The following MEGF10 variants were observed in gnomAD, a reference collection of about 807,000 sequenced individuals.
MEGF10 encodes multiple EGF like domains 10, also known as multiple epidermal growth factor-like domains protein 10.
A neutral mutation model predicts 147.5 loss-of-function variants in MEGF10; 86 were observed. That is an observed-to-expected ratio of 0.58 (90% CI 0.49 to 0.70). The LOEUF (loss-of-function observed/expected upper bound fraction) is 0.70, where lower values mean the gene tolerates loss of function less well. Among genes scored for constraint, MEGF10 ranks in the 30% least tolerant of loss-of-function variants. The pLI is 0.00. For synonymous variants in MEGF10, 478 were observed against 525.5 expected (o/e 0.91, Z 1.24); for missense variants, 1,329 against 1,487.3 (o/e 0.89, Z 1.75).
chr5:127,402,733 A>C, intron 8 of MEGF10, 51 bp downstream of exon 8: 1 of 1,602,410 alleles, frequency 6.2e-7, no homozygotes, highest in Non-Finnish European at 8.5e-7. Flanking sequence ...TGTGAAAGGA[A>C]AGTTTGTAGG....
intron 13 of MEGF10, among the ~76,000 whole-genome samples, chr5:127,425,103 A>C (rs892895857): frequency 5.3e-5 from 8 of 152,168 alleles, no homozygotes; most frequent in African/African-American, 1.9e-4. Context: ...ATGATTTAGA[A>C]CTATCCTGTG....
At chr5:127,450,112 C>T (rs1002795728) in intron 22 of MEGF10, among the ~76,000 whole-genome samples, 8 of 152,216 alleles carry the variant, frequency 5.3e-5, no homozygotes, top group African/African-American at 1.7e-4. Flanking sequence ...TCTGCTTTTA[C>T]GTTCAGTTGG....
chr5:127,396,702 T>C lies in MEGF10; in HGVS notation c.583T>C (p.Cys195Arg), dbSNP rs368902561. The stretch of plus-strand genomic sequence containing the variant: ...CTATGGTAACGACTGTCATCAGAGA[T>C]GCCAGTGCCAGAATGGAGCCACCTG... ...GTYGNDCHQR[C>R]QCQNGATCDH... is the part of the protein sequence containing the mutation. Residue 195 changes from cysteine (C) to arginine (R), a missense_variant, in exon 6 of 25, where the codon TGC (cysteine) becomes CGC (arginine). Cys to Arg is a radical substitution (Grantham distance 180). Coordinates refer to ENST00000503335, the MANE Select transcript of MEGF10 (RefSeq NM_001256545.2). 24 of 1,614,062 alleles carry C rather than the reference T, an allele frequency of 1.5e-5. No individual in the cohort carries two copies. Among genetic ancestry groups the C allele is most frequent in the Non-Finnish European group, 2.0e-5 (24 of 1,180,028 alleles).
intron 16 of MEGF10, 51 bp downstream of exon 16, chr5:127,435,540 C>T: frequency 6.4e-7 from 1 of 1,550,786 alleles, no homozygotes; most frequent in Non-Finnish European, 8.7e-7. Context: ...TGTTTGTTTT[C>T]AGATTCTTTA....
In MEGF10 at chr5:127,340,527, T is replaced by C. The variant is rs1357482042; in HGVS notation, c.219-3T>C. Reference sequence around the variant, plus strand: ...TTAATAGCTAATTTTTCCTTCTCTATAGAGTCAGCTATCGGACAGCCTATC... The same window carrying C: ...TTAATAGCTAATTTTTCCTTCTCTACAGAGTCAGCTATCGGACAGCCTATC... On this transcript the variant is annotated splice_region_variant and splice_polypyrimidine_tract_variant and intron_variant, in intron 3 of 24. Transcript: ENST00000503335. 6.2e-7 allele frequency: 1 copy of C among 1,610,976 alleles called. No individual in the cohort carries two copies. The highest frequency in any genetic ancestry group is 1.7e-5 in the Admixed American group (1 of 59,926).
intron 8 of MEGF10, among the ~76,000 whole-genome samples, chr5:127,406,604 G>A (rs940502598): frequency 1.3e-4 from 20 of 152,200 alleles, no homozygotes; most frequent in African/African-American, 4.8e-4. Context: ...AGGGCTGCTG[G>A]CCCTAGGAGC....
Position 127,460,155 on chromosome 5 carries a change from C to T in MEGF10, c.*2837C>T, listed in dbSNP as rs551349120. Reference sequence around the variant, plus strand: ...AAAGCAGTAAAGGAGTTTAGAGATACTTAGCAAATGCCATTCATATAGTAT... The same window carrying T: ...AAAGCAGTAAAGGAGTTTAGAGATATTTAGCAAATGCCATTCATATAGTAT... On this transcript the variant is annotated 3_prime_UTR_variant, in exon 25 of 25. Transcript: ENST00000503335. The T allele has an allele frequency of 1.3e-5, 2 of 152,258 alleles. No individual in the cohort carries two copies. Among genetic ancestry groups the T allele is most frequent in the South Asian group, 4.1e-4 (2 of 4,822 alleles). 9.4% of individuals were successfully genotyped at this position (152,258 alleles called of 1,614,324 possible). A position where few individuals can be genotyped will look rare whatever the true frequency, so the allele number is the denominator to read the frequency against.
chr5:127,455,844 A>T (rs1766344047), intron 24 of MEGF10, among the ~76,000 whole-genome samples: 1 of 152,010 alleles, frequency 6.6e-6, no homozygotes, highest in Non-Finnish European at 1.5e-5. Flanking sequence ...GGCTCAAGCC[A>T]TCCTCCCACT....
chr5:127,325,972 C>T (rs971451300), intron 1 of MEGF10, among the ~76,000 whole-genome samples: 3 of 149,110 alleles, frequency 2.0e-5, no homozygotes, highest in Admixed American at 1.3e-4. Flanking sequence ...GCCACAATCA[C>T]AGCTCACTGT....
intron 7 of MEGF10, among the ~76,000 whole-genome samples, chr5:127,402,190 G>A (rs1363501276): frequency 6.6e-6 from 1 of 152,164 alleles, no homozygotes; most frequent in African/African-American, 2.4e-5. Flanking sequence ...TATTGTGCAT[G>A]TAAGACACAA....
the MEGF10 span, among the ~76,000 whole-genome samples, chr5:127,278,841 A>G: frequency 6.6e-6 from 1 of 152,238 alleles, no homozygotes. Context: ...GGATGTTTGA[A>G]AAGAGAGAAG....
At chr5:127,350,831 T>C (rs1762058253) in intron 4 of MEGF10, among the ~76,000 whole-genome samples, 1 of 152,216 alleles carries the variant, frequency 6.6e-6, no homozygotes, top group Non-Finnish European at 1.5e-5. Flanking sequence ...TAGGTGTATA[T>C]ATTTATGGAG....
the MEGF10 span, among the ~76,000 whole-genome samples, chr5:127,266,135 A>G: frequency 1.3e-5 from 2 of 152,086 alleles, no homozygotes; most frequent in South Asian, 2.1e-4. Flanking sequence ...AGCTTTCTAC[A>G]TATGGCTAGC....
chr5:127,440,291 G>A (rs776454304), intron 17 of MEGF10, among the ~76,000 whole-genome samples: 6 of 152,154 alleles, frequency 3.9e-5, no homozygotes, highest in Non-Finnish European at 5.9e-5. Context: ...CAGTGGACAA[G>A]GCTAGTAGCA....
intron 9 of MEGF10, among the ~76,000 whole-genome samples, chr5:127,413,326 C>A (rs1480327712): frequency 6.6e-6 from 1 of 151,972 alleles, no homozygotes; most frequent in Non-Finnish European, 1.5e-5. Context: ...ATTCCACATG[C>A]AATATAGAGA....
chr5:127,314,503 A>G (rs1429967250), intron 1 of MEGF10, among the ~76,000 whole-genome samples: 1 of 152,230 alleles, frequency 6.6e-6, no homozygotes, highest in African/African-American at 2.4e-5. Flanking sequence ...AGAGATTTCT[A>G]TGCAGTTTCT....
At chr5:127,242,346 C>T in the MEGF10 span, among the ~76,000 whole-genome samples, 1,099 of 152,266 alleles carry the variant, frequency 7.2e-3, 12 homozygotes, top group African/African-American at 0.025. Flanking sequence ...GAATACTCTT[C>T]CTATATAACC....
intron 1 of MEGF10, among the ~76,000 whole-genome samples, chr5:127,329,015 A>G (rs568847216): frequency 1.7e-4 from 26 of 152,358 alleles, no homozygotes; most frequent in Admixed American, 3.9e-4. Context: ...TAAGGATTAC[A>G]TAGATAATTC....
At chr5:127,307,094 G>C (rs1333761765) in intron 1 of MEGF10, among the ~76,000 whole-genome samples, 1 of 152,126 alleles carries the variant, frequency 6.6e-6, no homozygotes, top group East Asian at 1.9e-4. Flanking sequence ...AATCCTTCCG[G>C]AGTGAAAGGA....
Sources: allele counts gnomAD v4.1 joint callset (sites outside exome capture counted in the v4.1 genomes callset), GRCh38; gene constraint gnomAD v4.1.1; transcripts MANE v1.5; gene names NCBI Gene and HGNC (gene_info 2026-07-23, HGNC 2026-07-21).